RANBP2: variants seen among roughly 807,000 people sequenced by gnomAD.
RANBP2 encodes the protein RAN binding protein 2.
In RANBP2, 57 loss-of-function variants were observed where a neutral mutation model predicts 303.6. The observed-to-expected ratio is 0.19, with a 90% CI of 0.15 to 0.23. The LOEUF (loss-of-function observed/expected upper bound fraction) is 0.23. Ranked by LOEUF, RANBP2 falls within the 10% of genes least tolerant of loss-of-function variation. The pLI, the probability that RANBP2 is intolerant of heterozygous loss-of-function variation, is 1.00. For synonymous variants in RANBP2, 1,167 were observed against 1,301.5 expected (o/e 0.90, Z 2.23); for missense variants, 3,138 against 3,780.8 (o/e 0.83, Z 4.46).
intron 15 of RANBP2, among the ~76,000 whole-genome samples, chr2:108,754,667 CA>C (rs1367321259): frequency 6.6e-6 from 1 of 151,326 alleles, no homozygotes; most frequent in Non-Finnish European, 1.5e-5. Context: ...TTAGATTGTA[CA>C]ACACTTTTCT....
At chr2:108,761,276 A>G (rs1676712957) in intron 18 of RANBP2, among the ~76,000 whole-genome samples, 1 of 150,678 alleles carries the variant, frequency 6.6e-6, no homozygotes. Context: ...AAGGTTTCCA[A>G]AATCAAACTT....
chr2:109,656,557 C>G, the RANBP2 span, among the ~76,000 whole-genome samples: 1 of 152,162 alleles, frequency 6.6e-6, no homozygotes, highest in Non-Finnish European at 1.5e-5. Flanking sequence ...CCAGGCTGGT[C>G]TCGAACTTCC....
At chr2:108,780,531 T>G (rs1678178720) in intron 25 of RANBP2, among the ~76,000 whole-genome samples, 1 of 128,214 alleles carries the variant, frequency 7.8e-6, no homozygotes, top group Non-Finnish European at 1.7e-5. Flanking sequence ...CACTGCTAAC[T>G]TTTTTTTTTT....
At chr2:109,166,414 T>C in the RANBP2 span, among the ~76,000 whole-genome samples, 58 of 148,246 alleles carry the variant, frequency 3.9e-4, 1 homozygote, top group South Asian at 0.012. Context: ...GAGGCGGAGG[T>C]TGTGGTGAGC....
At chr2:108,937,486 AGTATGT>A in the RANBP2 span, among the ~76,000 whole-genome samples, 6 of 151,932 alleles carry the variant, frequency 3.9e-5, no homozygotes, top group East Asian at 3.9e-4. Flanking sequence ...TGTGCATAAG[AGTATGT>A]GTATGTGTAT....
the RANBP2 span, among the ~76,000 whole-genome samples, chr2:109,531,036 C>T: frequency 2.0e-5 from 3 of 152,048 alleles, no homozygotes; most frequent in African/African-American, 7.2e-5. Context: ...CTTCCCTCAC[C>T]TCTCTAGCCC....
At chr2:109,251,581 C>G in the RANBP2 span, 1 of 908,416 alleles carries the variant, frequency 1.1e-6, no homozygotes, top group East Asian at 2.4e-5. Flanking sequence ...TGGTGGGCAA[C>G]AGAACAATAT....
At chr2:109,541,555 CGGGATTTATAAACTTTCCT>C in the RANBP2 span, among the ~76,000 whole-genome samples, 2 of 152,314 alleles carry the variant, frequency 1.3e-5, no homozygotes, top group East Asian at 1.9e-4. Flanking sequence ...GCCTGCCAGA[CGGGATTTATAAACTTTCCT>C]GGGATTTATA....
chr2:108,883,670 G>C, the RANBP2 span: 1 of 152,230 alleles, frequency 6.6e-6, no homozygotes, highest in African/African-American at 2.4e-5. Flanking sequence ...ATGCTCACTC[G>C]AGTGGGCTTC....
the RANBP2 span, among the ~76,000 whole-genome samples, chr2:109,091,141 G>A: frequency 6.6e-6 from 1 of 152,142 alleles, no homozygotes; most frequent in African/African-American, 2.4e-5. Flanking sequence ...GAGGCGGGAG[G>A]ATTGCTTGAG....
the RANBP2 span, among the ~76,000 whole-genome samples, chr2:109,399,588 C>A: frequency 1.3e-5 from 2 of 152,048 alleles, no homozygotes; most frequent in Admixed American, 1.3e-4. Context: ...TCAGCTTGGG[C>A]AAGACCCTGT....
At chr2:108,797,035 G>A in the RANBP2 span, among the ~76,000 whole-genome samples, 2 of 152,316 alleles carry the variant, frequency 1.3e-5, no homozygotes, top group East Asian at 3.9e-4. Context: ...ACCTTGGTGA[G>A]GATGTTAAGT....
the RANBP2 span, among the ~76,000 whole-genome samples, chr2:109,702,349 T>C: frequency 1.8e-4 from 27 of 152,336 alleles, no homozygotes; most frequent in East Asian, 5.0e-3. Context: ...AACCAAACTC[T>C]GCCCATACCA....
chr2:109,587,254 A>G, the RANBP2 span, among the ~76,000 whole-genome samples: 3 of 152,224 alleles, frequency 2.0e-5, no homozygotes, highest in Non-Finnish European at 4.4e-5. Flanking sequence ...AGTAAAAAAT[A>G]TATTTAGTAC....
the RANBP2 span, among the ~76,000 whole-genome samples, chr2:109,077,084 A>C: frequency 6.6e-6 from 1 of 150,580 alleles, no homozygotes; most frequent in Admixed American, 6.6e-5. Context: ...AAATAAGCTC[A>C]CGAAAATATG....
chr2:109,191,539 G>A, the RANBP2 span, among the ~76,000 whole-genome samples: 3 of 152,346 alleles, frequency 2.0e-5, no homozygotes, highest in South Asian at 4.1e-4. Flanking sequence ...CCTCCTGAGA[G>A]TCTGCTCAGG....
At chr2:109,060,180 C>A in the RANBP2 span, among the ~76,000 whole-genome samples, 1 of 151,912 alleles carries the variant, frequency 6.6e-6, no homozygotes, top group South Asian at 2.1e-4. Flanking sequence ...CCAGCCTGGG[C>A]GACAGAGCAA....
At chr2:109,316,134 C>T in the RANBP2 span, among the ~76,000 whole-genome samples, 47,435 of 152,048 alleles carry the variant, frequency 0.31, 9,174 homozygotes, top group African/African-American at 0.55. Context: ...AAAGAGAGGG[C>T]AAGGCAGGCT....
At chr2:109,008,514 G>A in the RANBP2 span, among the ~76,000 whole-genome samples, 1 of 151,736 alleles carries the variant, frequency 6.6e-6, no homozygotes, top group Non-Finnish European at 1.5e-5. Context: ...CAGAGACCTG[G>A]GCACTTGGTA....
Sources: gnomAD v4.1 joint callset for allele counts (sites outside exome capture counted in the v4.1 genomes callset) on GRCh38, gnomAD v4.1.1 for gene constraint, MANE v1.5 for transcripts, NCBI Gene and HGNC (gene_info 2026-07-23, HGNC 2026-07-21) for gene names.